TNFSF4: variants seen among roughly 807,000 people sequenced by gnomAD.
TNFSF4 encodes TNF superfamily member 4, also known as tumor necrosis factor ligand superfamily member 4.
A neutral mutation model predicts 7.3 loss-of-function variants in TNFSF4; 4 were observed. That is an observed-to-expected ratio of 0.55 (90% confidence interval 0.27 to 1.25). The LOEUF (loss-of-function observed/expected upper bound fraction) is 1.25, where lower values mean the gene tolerates loss of function less well. Ranked by LOEUF, TNFSF4 falls within the 50% of genes most tolerant of loss-of-function variation. The pLI, the probability that TNFSF4 is intolerant of heterozygous loss-of-function variation, is 0.12. For synonymous variants in TNFSF4, 76 were observed against 83.7 expected (o/e 0.91, Z 0.50); for missense variants, 181 against 208.8 (o/e 0.87, Z 0.82).
At chr1:173,390,177 C>T in the TNFSF4 span, among the ~76,000 whole-genome samples, 106,878 of 151,914 alleles carry the variant, frequency 0.7, 37,754 homozygotes, top group African/African-American at 0.78. Context: ...AGTTATACTA[C>T]AGTACTAGTA....
chr1:173,444,623 G>A, the TNFSF4 span, among the ~76,000 whole-genome samples: 1 of 151,732 alleles, frequency 6.6e-6, no homozygotes, highest in South Asian at 2.1e-4. Flanking sequence ...ACTCTTTCAG[G>A]GAAAAGAAAA....
At chr1:173,413,641 C>T in the TNFSF4 span, among the ~76,000 whole-genome samples, 2 of 152,156 alleles carry the variant, frequency 1.3e-5, no homozygotes, top group African/African-American at 4.8e-5. Context: ...CAGCAGCAGC[C>T]GGCGCCCAGC....
chr1:173,285,343 T>C, the TNFSF4 span, among the ~76,000 whole-genome samples: 12 of 152,282 alleles, frequency 7.9e-5, no homozygotes, highest in Admixed American at 7.2e-4. Flanking sequence ...AATGAGGTGT[T>C]TTTTTGAGAT....
At chr1:173,350,201 T>G in the TNFSF4 span, among the ~76,000 whole-genome samples, 1 of 152,230 alleles carries the variant, frequency 6.6e-6, no homozygotes, top group South Asian at 2.1e-4. Context: ...AGCTTGGTTT[T>G]GCTGACATTC....
At chr1:173,221,899 C>T in the TNFSF4 span, among the ~76,000 whole-genome samples, 1 of 152,170 alleles carries the variant, frequency 6.6e-6, no homozygotes, top group East Asian at 1.9e-4. Flanking sequence ...TTGAGCAAGT[C>T]ACTTAATTTC....
chr1:173,398,730 G>C, the TNFSF4 span, among the ~76,000 whole-genome samples: 3 of 152,032 alleles, frequency 2.0e-5, no homozygotes, highest in African/African-American at 7.2e-5. Flanking sequence ...CCAGCCCTAC[G>C]TCAGTGATAT....
At chr1:173,226,550 C>T in the TNFSF4 span, among the ~76,000 whole-genome samples, 1 of 152,200 alleles carries the variant, frequency 6.6e-6, no homozygotes. Flanking sequence ...CTTCTTTCAT[C>T]TTTAAATCAC....
the TNFSF4 span, among the ~76,000 whole-genome samples, chr1:173,261,506 G>T: frequency 3.3e-5 from 5 of 151,896 alleles, no homozygotes; most frequent in Non-Finnish European, 5.9e-5. Context: ...ATAAAGACAT[G>T]AAAAACCCTT....
the TNFSF4 span, among the ~76,000 whole-genome samples, chr1:173,244,649 A>C: frequency 1.5e-4 from 19 of 127,394 alleles, no homozygotes; most frequent in South Asian, 2.4e-4. Context: ...CTCAAAAAAA[A>C]ACAAAAAACA....
the TNFSF4 span, among the ~76,000 whole-genome samples, chr1:173,433,162 A>C: frequency 6.6e-6 from 1 of 152,174 alleles, no homozygotes; most frequent in African/African-American, 2.4e-5. Flanking sequence ...AACCCTTTGA[A>C]GGCACAGAAA....
At chr1:173,337,488 A>C in the TNFSF4 span, among the ~76,000 whole-genome samples, 1 of 152,148 alleles carries the variant, frequency 6.6e-6, no homozygotes, top group African/African-American at 2.4e-5. Context: ...TCTAGTCTGT[A>C]CCTATGGCTT....
the TNFSF4 span, among the ~76,000 whole-genome samples, chr1:173,364,135 G>A: frequency 6.6e-6 from 1 of 151,202 alleles, no homozygotes; most frequent in African/African-American, 2.4e-5. Flanking sequence ...GTTTATAATA[G>A]GGAAAGAATA....
intron 1 of TNFSF4, among the ~76,000 whole-genome samples, chr1:173,190,614 T>C (rs1649437968): frequency 6.6e-6 from 1 of 152,206 alleles, no homozygotes; most frequent in East Asian, 1.9e-4. Context: ...CTTCGTGGTG[T>C]GATAGCTAAT....
chr1:173,228,829 A>G, the TNFSF4 span, among the ~76,000 whole-genome samples: 1 of 152,216 alleles, frequency 6.6e-6, no homozygotes, highest in Non-Finnish European at 1.5e-5. Context: ...AAAGGGGATC[A>G]GTGATTGAAG....
the TNFSF4 span, among the ~76,000 whole-genome samples, chr1:173,323,309 A>G: frequency 6.6e-6 from 1 of 152,212 alleles, no homozygotes; most frequent in East Asian, 1.9e-4. Flanking sequence ...ACTCTAAGAG[A>G]CCTGCAGCTG....
the TNFSF4 span, among the ~76,000 whole-genome samples, chr1:173,235,865 T>C: frequency 3.3e-5 from 5 of 152,360 alleles, no homozygotes; most frequent in Non-Finnish European, 7.4e-5. Context: ...TTATTCATCT[T>C]GCTGGACTTA....
chr1:173,204,411 G>C (rs1166806142), intron 1 of TNFSF4, among the ~76,000 whole-genome samples: 1 of 152,082 alleles, frequency 6.6e-6, no homozygotes, highest in Non-Finnish European at 1.5e-5. Context: ...CCTGCATGTA[G>C]ATAGACCTAA....
chr1:173,310,298 C>G, the TNFSF4 span, among the ~76,000 whole-genome samples: 14 of 151,862 alleles, frequency 9.2e-5, no homozygotes. Context: ...AAAATGTCCT[C>G]CAAACACTGC....
chr1:173,407,703 G>GGTGTGTGTGTGTGTGTGTGTGTGT, the TNFSF4 span, among the ~76,000 whole-genome samples: 4 of 148,254 alleles, frequency 2.7e-5, no homozygotes, highest in African/African-American at 1.0e-4. Flanking sequence ...GATGTAAATG[G>GGTGTGTGTGTGTGTGTGTGTGTGT]GTGTGTGTGT....
Sources: allele counts gnomAD v4.1 joint callset (sites outside exome capture counted in the v4.1 genomes callset), GRCh38; gene constraint gnomAD v4.1.1; transcripts MANE v1.5; gene names NCBI Gene and HGNC (gene_info 2026-07-23, HGNC 2026-07-21).